LDLRAP1: variants seen among roughly 807,000 people sequenced by gnomAD.
The protein encoded by LDLRAP1 is low density lipoprotein receptor adaptor protein 1, also known as low density lipoprotein receptor adapter protein 1.
A neutral mutation model predicts 37.8 loss-of-function variants in LDLRAP1; 30 were observed. That is an observed-to-expected ratio of 0.79 (90% CI 0.59 to 1.08). The LOEUF (loss-of-function observed/expected upper bound fraction) is 1.08, where lower values mean the gene tolerates loss of function less well. Ranked by LOEUF, LDLRAP1 falls within the 50% of genes least tolerant of loss-of-function variation. The pLI is 0.00. For synonymous variants in LDLRAP1, 156 were observed against 169.8 expected (o/e 0.92, Z 0.63); for missense variants, 375 against 401.6 (o/e 0.93, Z 0.57).
the LDLRAP1 span, among the ~76,000 whole-genome samples, chr1:25,580,139 T>A: frequency 6.6e-6 from 1 of 152,154 alleles, no homozygotes; most frequent in African/African-American, 2.4e-5. Flanking sequence ...TCTGCTTCTG[T>A]CTGTTCTGTC....
rs1401749378 is a variant in LDLRAP1, at chr1:25,544,143, C to G, written c.88+357C>G. ...GGCCAGCTAGGGGGAGGCAGGCGCT[C>G]GTCGTCGGTGCCTAGGGGAGGAGGA... On this transcript the variant is annotated intron_variant, in intron 1 of 8. Coordinates refer to ENST00000374338, the MANE Select transcript of LDLRAP1 (RefSeq NM_015627.3). This position sits in a 1 kb window ranked among gnomAD's most constrained non-coding sequence, Gnocchi z 4.8. Among the ~76,000 whole-genome samples the G allele has an allele frequency of 1.3e-5, 2 of 152,154 alleles. No homozygotes were observed. The highest frequency in any genetic ancestry group is 4.2e-4 in the South Asian group (2 of 4,818).
chr1:25,547,486 T>TAATTAATAAATA (rs71577782), intron 1 of LDLRAP1, among the ~76,000 whole-genome samples: 2 of 145,752 alleles, frequency 1.4e-5, no homozygotes, highest in African/African-American at 5.2e-5. Context: ...TTGTCTCAAA[T>TAATTAATAAATA]AATAAATAAA....
the LDLRAP1 span, among the ~76,000 whole-genome samples, chr1:25,575,531 G>A: frequency 3.9e-5 from 6 of 151,906 alleles, no homozygotes; most frequent in Admixed American, 3.9e-4. Flanking sequence ...GAAAGTCAAG[G>A]CTGTAGTGAG....
At chr1:25,578,217 C>T in the LDLRAP1 span, among the ~76,000 whole-genome samples, 1 of 152,160 alleles carries the variant, frequency 6.6e-6, no homozygotes, top group African/African-American at 2.4e-5. Flanking sequence ...TGACTAAAGA[C>T]AAAAATCAAG....
At position 25,554,749 on chromosome 1, in the gene LDLRAP1, C is replaced by T; in HGVS notation, c.232-111C>T. The T allele has an allele frequency of 1.2e-6, 1 of 819,104 alleles. No individual in the cohort carries two copies. Among genetic ancestry groups the T allele is most frequent in the Non-Finnish European group, 2.1e-6 (1 of 487,104 alleles). 50.7% of individuals were successfully genotyped at this position (819,104 alleles called of 1,614,324 possible). ...TCTTGCCCACACTGCTGCCAGTCAC[C>T]TGAGCTGAGATGGGCCCCGTGCCTG... On this transcript the variant is annotated intron_variant, in intron 2 of 8. Coordinates refer to ENST00000374338, the MANE Select transcript of LDLRAP1 (RefSeq NM_015627.3). This position sits in a 1 kb window ranked among gnomAD's most constrained non-coding sequence, Gnocchi z 5.4.
At chr1:25,572,223 G>A (rs530180656), downstream of LDLRAP1, among the ~76,000 whole-genome samples, 16 of 152,326 alleles carry the variant, frequency 1.1e-4, no homozygotes, top group South Asian at 3.1e-3. Flanking sequence ...CCATCAGTGA[G>A]TCAGTTCATC....
chr1:25,589,069 C>T, the LDLRAP1 span, among the ~76,000 whole-genome samples: 2 of 152,082 alleles, frequency 1.3e-5, no homozygotes, highest in African/African-American at 4.8e-5. Flanking sequence ...TTTGGGAGGC[C>T]GAGGCGGGGG....
the LDLRAP1 span, among the ~76,000 whole-genome samples, chr1:25,587,382 T>C: frequency 6.6e-6 from 1 of 152,154 alleles, no homozygotes; most frequent in Non-Finnish European, 1.5e-5. Flanking sequence ...TCTGAACTCT[T>C]GGCCTCAAGT....
chr1:25,581,172 G>A, the LDLRAP1 span, among the ~76,000 whole-genome samples: 1 of 152,186 alleles, frequency 6.6e-6, no homozygotes, highest in Non-Finnish European at 1.5e-5. Context: ...TGTGTTCTCT[G>A]CCGGGCCTCA....
downstream of LDLRAP1, among the ~76,000 whole-genome samples, chr1:25,572,965 C>G (rs78758704): frequency 2.0e-5 from 3 of 152,174 alleles, no homozygotes; most frequent in Admixed American, 6.5e-5. Context: ...GGGCCACAGC[C>G]GTCAGGACTG....
At chr1:25,553,651 A>G in intron 1 of LDLRAP1, 1 of 455,526 alleles carries the variant, frequency 2.2e-6, no homozygotes, top group Non-Finnish European at 4.1e-6. Context: ...CAGGAGTTCG[A>G]GACCAGCTAC....
At chr1:25,572,753 T>C (rs958505236), downstream of LDLRAP1, among the ~76,000 whole-genome samples, 4 of 152,172 alleles carry the variant, frequency 2.6e-5, no homozygotes, top group African/African-American at 9.7e-5. Flanking sequence ...CCCATGTGCT[T>C]GCAGGGAACT....
intron 4 of LDLRAP1, among the ~76,000 whole-genome samples, chr1:25,561,378 G>T (rs928549801): frequency 2.0e-5 from 3 of 152,162 alleles, no homozygotes; most frequent in Non-Finnish European, 4.4e-5. Context: ...TTATACTTTC[G>T]TGAAGTGTAA....
chr1:25,562,916 G>A, intron 5 of LDLRAP1, 154 bp from the exon 6 acceptor site: 1 of 853,540 alleles, frequency 1.2e-6, no homozygotes, highest in South Asian at 1.4e-5. Flanking sequence ...GTGCTTGTGA[G>A]GATTAACTGA....
At position 25,567,090 on chromosome 1, in the gene LDLRAP1, C is replaced by G. The variant is rs1364182056; in HGVS notation, c.*98C>G. On this transcript the variant is annotated 3_prime_UTR_variant, in exon 9 of 9. Transcript: ENST00000374338. ...GTTCTGGGGCCCGCCTGCCACCTCT[C>G]CCAGCCCTCAGCATTGTCAGCCTGA... The G allele has an allele frequency of 1.4e-6, 2 of 1,437,194 alleles. No homozygotes were observed. The highest frequency in any genetic ancestry group is 1.9e-6 in the Non-Finnish European group (2 of 1,036,822). 89.0% of individuals were successfully genotyped at this position (1,437,194 alleles called of 1,614,324 possible).
downstream of LDLRAP1, among the ~76,000 whole-genome samples, chr1:25,572,107 A>G (rs1415607684): frequency 6.6e-6 from 1 of 152,226 alleles, no homozygotes; most frequent in East Asian, 1.9e-4. Flanking sequence ...AAGGAAGGGT[A>G]GAATGGTTGG....
chr1:25,580,648 A>C, the LDLRAP1 span, among the ~76,000 whole-genome samples: 4 of 152,126 alleles, frequency 2.6e-5, no homozygotes, highest in African/African-American at 9.7e-5. Context: ...AGCTGGGACC[A>C]CAAGTGTGAG....
chr1:25,581,242 C>T, the LDLRAP1 span, among the ~76,000 whole-genome samples: 1 of 152,104 alleles, frequency 6.6e-6, no homozygotes, highest in Non-Finnish European at 1.5e-5. Flanking sequence ...GGGGGCACTG[C>T]TGAGTAAACT....
intron 4 of LDLRAP1, among the ~76,000 whole-genome samples, chr1:25,560,940 G>A: frequency 6.6e-6 from 1 of 152,250 alleles, no homozygotes; most frequent in South Asian, 2.1e-4. Context: ...CCCAGCCTGG[G>A]CTTGCAGCTA....
Sources: allele counts gnomAD v4.1 joint callset (sites outside exome capture counted in the v4.1 genomes callset), GRCh38; gene constraint gnomAD v4.1.1; non-coding constraint Gnocchi (gnomAD v3.1); transcripts MANE v1.5; gene names NCBI Gene and HGNC (gene_info 2026-07-23, HGNC 2026-07-21).